FAM83B: variants seen among roughly 807,000 people sequenced by gnomAD.
FAM83B encodes the protein protein FAM83B.
Under a neutral mutation model 38.8 loss-of-function variants are expected in FAM83B, and 26 were observed. The observed-to-expected ratio is 0.67, with a 90% CI of 0.49 to 0.93. The LOEUF (loss-of-function observed/expected upper bound fraction) is 0.93. FAM83B is among the 40% of genes least tolerant of loss of function. The pLI, the probability that FAM83B is intolerant of heterozygous loss-of-function variation, is 0.00. For synonymous variants in FAM83B, 419 were observed against 423.1 expected, an observed-to-expected ratio of 0.99 and a Z score of 0.12; for missense variants, 1,237 against 1,197.3, an observed-to-expected ratio of 1.03 and a Z score of -0.49.
At chr6:54,897,602 G>A (rs570481765) in intron 2 of FAM83B, among the ~76,000 whole-genome samples, 1 of 152,148 alleles carries the variant, frequency 6.6e-6, no homozygotes, top group African/African-American at 2.4e-5. Flanking sequence ...CAGTCCAAGT[G>A]TTTAATCTCT....
At chr6:54,878,796 T>C (rs1042317792) in intron 2 of FAM83B, among the ~76,000 whole-genome samples, 30 of 152,110 alleles carry the variant, frequency 2.0e-4, no homozygotes, top group Admixed American at 2.0e-3. Context: ...ATTTTAACAG[T>C]ATACTTCTGG....
Position 54,942,853 on chromosome 6 carries a change from G to A in FAM83B, c.*846G>A, listed in dbSNP as rs1228509026. 6.6e-6 allele frequency among the ~76,000 whole-genome samples: 1 copy of A among 151,024 alleles called. No homozygotes were observed. Among genetic ancestry groups the A allele is most frequent in the Non-Finnish European group, 1.5e-5 (1 of 67,824 alleles). On this transcript the variant is annotated 3_prime_UTR_variant, in exon 5 of 5. Transcript: ENST00000306858. ...AATGTAAATTTCTGCCTAAATTTTT[G>A]TTAGATTGGCATGACAATGCTAAGG... is the stretch of plus-strand genomic sequence containing the variant.
At chr6:54,868,878 T>C (rs767065114) in intron 1 of FAM83B, among the ~76,000 whole-genome samples, 2 of 152,218 alleles carry the variant, frequency 1.3e-5, no homozygotes, top group Non-Finnish European at 2.9e-5. Flanking sequence ...AGCCCAGAGA[T>C]AGGAACAGGA....
At chr6:54,853,366 T>C (rs1771359702) in intron 1 of FAM83B, among the ~76,000 whole-genome samples, 1 of 152,148 alleles carries the variant, frequency 6.6e-6, no homozygotes. Context: ...GAAGATGCCA[T>C]CTAGTATTTC....
intron 1 of FAM83B, among the ~76,000 whole-genome samples, chr6:54,860,958 T>C (rs1771568935): frequency 6.6e-6 from 1 of 152,210 alleles, no homozygotes; most frequent in African/African-American, 2.4e-5. Flanking sequence ...TCTCCAGGAC[T>C]TGAGGATATT....
In FAM83B at chr6:54,870,396, A is replaced by G; in HGVS notation, c.150A>G (p.Glu50=). ...CATACCAAGAATTTCTTGTCCAGGA[A>G]CGAGTTTCAGACTTTCTTGCTGAGG... ...LEAYQEFLVQ[E]RVSDFLAEEE... Residue 50 remains glutamate (E), a synonymous_variant, in exon 2 of 5, where the codon GAA becomes GAG. Transcript: ENST00000306858. 1 of 1,614,084 alleles carries G rather than the reference A, an allele frequency of 6.2e-7. No individual in the cohort carries two copies. Among genetic ancestry groups the G allele is most frequent in the Non-Finnish European group, 8.5e-7 (1 of 1,179,972 alleles).
chr6:54,941,894 T>A lies in FAM83B; in HGVS notation c.2923T>A (p.Ser975Thr). ...SATMGNSYGR[S>T]SPLLNYNTGV... Reference sequence around the variant, plus strand: ...GACTATGGGCAACAGTTATGGCAGGTCTAGTCCATTGCTTAATTACAACAC... The same window carrying A: ...GACTATGGGCAACAGTTATGGCAGGACTAGTCCATTGCTTAATTACAACAC... The change falls in exon 5 of 5, where the codon TCT becomes ACT. Residue 975 changes from serine (S) to threonine (T), a missense_variant. Coordinates refer to ENST00000306858, the MANE Select transcript of FAM83B (RefSeq NM_001010872.3). 6.3e-7 allele frequency: 1 copy of A among 1,584,802 alleles called. No individual in the cohort carries two copies. Among genetic ancestry groups the A allele is most frequent in the Non-Finnish European group, 8.6e-7 (1 of 1,167,410 alleles).
intron 1 of FAM83B, among the ~76,000 whole-genome samples, chr6:54,861,580 A>G (rs567855275): frequency 1.3e-5 from 2 of 152,334 alleles, no homozygotes; most frequent in Admixed American, 1.3e-4. Context: ...GTCTCATAAA[A>G]TGAGAGGAAT....
rs1561934810 is a variant in FAM83B, at chr6:54,942,730, T to TTTTTTTTTTTTTTTTTTTTTTTG, written c.*723_*724insTTTTTTTTTTTTTTTTTTTTTTG. ...TCTTACCCATAGGCTGCTGATTTTT[T>TTTTTTTTTTTTTTTTTTTTTTTG]ATAGTCATTCCTTACTTCACATTTA... is the stretch of plus-strand genomic sequence containing the variant. On this transcript the variant is annotated 3_prime_UTR_variant, in exon 5 of 5. Coordinates refer to ENST00000306858, the MANE Select transcript of FAM83B (RefSeq NM_001010872.3). Among the ~76,000 whole-genome samples the TTTTTTTTTTTTTTTTTTTTTTTG allele has an allele frequency of 2.0e-5, 3 of 151,864 alleles. No homozygotes were observed. Among genetic ancestry groups the TTTTTTTTTTTTTTTTTTTTTTTG allele is most frequent in the African/African-American group, 7.3e-5 (3 of 41,190 alleles).
rs1370833822 is a variant in FAM83B, at chr6:54,940,390, T to C, written c.1419T>C (p.His473=). ...VRRSFNGTDN[H]IRFLQQRMPT... ...GGTCTTTTAATGGGACAGATAACCA[T>C]ATCCGCTTTTTGCAACAACGAATGC... The change falls in exon 5 of 5, where the codon CAT becomes CAC. Residue 473 remains histidine (H), a synonymous_variant. Coordinates refer to ENST00000306858, the MANE Select transcript of FAM83B (RefSeq NM_001010872.3). The C allele has an allele frequency of 6.2e-7, 1 of 1,614,066 alleles. No homozygotes were observed. The highest frequency in any genetic ancestry group is 2.2e-5 in the East Asian group (1 of 44,870).
intron 2 of FAM83B, among the ~76,000 whole-genome samples, chr6:54,919,777 CTA>C (rs145380071): frequency 6.6e-6 from 1 of 151,986 alleles, no homozygotes; most frequent in Non-Finnish European, 1.5e-5. Context: ...TGCTTGAAGT[CTA>C]TGTCTATTTA....
At chr6:54,849,867 A>T (rs142193242) in intron 1 of FAM83B, among the ~76,000 whole-genome samples, 7 of 152,006 alleles carry the variant, frequency 4.6e-5, no homozygotes, top group Non-Finnish European at 1.0e-4. Flanking sequence ...TTGCATACTG[A>T]CATAGAGTCA....
chr6:54,849,632 T>C (rs79634348), intron 1 of FAM83B, among the ~76,000 whole-genome samples: 5,136 of 152,066 alleles, frequency 0.034, 94 homozygotes, highest in Middle Eastern at 0.065. Flanking sequence ...ATGCTGTCTA[T>C]GTTGGGAAGT....
chr6:54,917,163 C>G (rs1239486022), intron 2 of FAM83B, among the ~76,000 whole-genome samples: 2 of 152,158 alleles, frequency 1.3e-5, no homozygotes, highest in African/African-American at 4.8e-5. Flanking sequence ...ACTGTGTACT[C>G]TTTGAGAACA....
At position 54,940,332 on chromosome 6, in the gene FAM83B, C is replaced by A. The variant is rs1234473857; in HGVS notation, c.1361C>A (p.Thr454Lys). ...FANRLAQRKT[T>K]NLADRNSNVR... Reference sequence around the variant, plus strand: ...AATCGGCTTGCGCAGAGAAAAACAACAAATCTTGCAGACAGGAATTCAAAT... The same window carrying A: ...AATCGGCTTGCGCAGAGAAAAACAAAAAATCTTGCAGACAGGAATTCAAAT... The change falls in exon 5 of 5, where the codon ACA becomes AAA. Residue 454 changes from threonine to lysine, a missense_variant. Physicochemically the swap from Thr to Lys is moderately conservative, Grantham distance 78. Coordinates refer to ENST00000306858, the MANE Select transcript of FAM83B (RefSeq NM_001010872.3). 6.2e-7 allele frequency: 1 copy of A among 1,613,926 alleles called. No individual in the cohort carries two copies. The highest frequency in any genetic ancestry group is 1.3e-5 in the African/African-American group (1 of 74,922).
At chr6:54,864,420 G>C (rs1183185513) in intron 1 of FAM83B, among the ~76,000 whole-genome samples, 2 of 152,178 alleles carry the variant, frequency 1.3e-5, no homozygotes, top group Admixed American at 1.3e-4. Flanking sequence ...TAATCCATCT[G>C]TGGAGATGTT....
intron 2 of FAM83B, among the ~76,000 whole-genome samples, chr6:54,871,732 G>A: frequency 1.0e-5 from 1 of 98,714 alleles, no homozygotes; most frequent in Non-Finnish European, 1.8e-5. Context: ...GACAGAGCGA[G>A]ACCCTGTCTC....
In FAM83B at chr6:54,926,504, A is replaced by G; in HGVS notation, c.578A>G (p.Glu193Gly). The change falls in exon 3 of 5, where the codon GAG becomes GGG. Residue 193 changes from glutamate (E) to glycine (G), a missense_variant. Transcript: ENST00000306858. ...SNFNHFLNMTEKQGCSVQRLR... is the reference protein window; with the variant it reads ...SNFNHFLNMTGKQGCSVQRLR... ...TTTAATCATTTTCTAAATATGACTG[A>G]GAAACAAGGTTGTTCAGTTCAGCGT... 1 of 1,606,598 alleles carries G rather than the reference A, an allele frequency of 6.2e-7. No individual in the cohort carries two copies. The highest frequency in any genetic ancestry group is 8.5e-7 in the Non-Finnish European group (1 of 1,175,440).
intron 1 of FAM83B, among the ~76,000 whole-genome samples, chr6:54,867,312 A>G (rs1013785355): frequency 2.0e-5 from 3 of 151,980 alleles, no homozygotes; most frequent in South Asian, 2.1e-4. Flanking sequence ...TTTAATTGCA[A>G]TACTCACTAT....
Sources: gnomAD v4.1 joint callset for allele counts (sites outside exome capture counted in the v4.1 genomes callset) on GRCh38, gnomAD v4.1.1 for gene constraint, MANE v1.5 for transcripts, NCBI Gene and HGNC (gene_info 2026-07-23, HGNC 2026-07-21) for gene names.